The following PLGRKT variants were observed in gnomAD, a reference collection of about 807,000 sequenced individuals.
PLGRKT encodes the protein plasminogen receptor with a C-terminal lysine, also known as plasminogen receptor (KT).
A neutral mutation model predicts 18.5 loss-of-function variants in PLGRKT; 22 were observed. The observed-to-expected ratio is 1.19, with a 90% CI of 0.85 to 1.70. The LOEUF (loss-of-function observed/expected upper bound fraction) is 1.70, where lower values mean the gene tolerates loss of function less well. PLGRKT is among the 40% of genes most tolerant of loss of function. PLGRKT has a pLI of 0.00. For missense variants in PLGRKT, 235 were observed against 174.4 expected, an observed-to-expected ratio of 1.35 and a Z score of -1.96; for synonymous variants, 72 against 52.8, an observed-to-expected ratio of 1.36 and a Z score of -1.58.
chr9:5,405,739 A>G (rs535526176), intron 3 of PLGRKT, among the ~76,000 whole-genome samples: 1 of 152,346 alleles, frequency 6.6e-6, no homozygotes, highest in East Asian at 1.9e-4. Context: ...AACTGCAACA[A>G]AAGCAAAAAT....
At chr9:5,401,615 T>C (rs1231866025) in intron 3 of PLGRKT, among the ~76,000 whole-genome samples, 5 of 151,958 alleles carry the variant, frequency 3.3e-5, no homozygotes, top group East Asian at 1.9e-4. Flanking sequence ...AAAAACAATA[T>C]ATACTACTTA....
intron 3 of PLGRKT, among the ~76,000 whole-genome samples, chr9:5,373,593 A>G (rs544587344): frequency 2.3e-4 from 35 of 152,206 alleles, no homozygotes; most frequent in African/African-American, 8.2e-4. Context: ...TGAGCCCGTA[A>G]GTTCAAGACC....
intron 3 of PLGRKT, among the ~76,000 whole-genome samples, chr9:5,366,375 A>T (rs1391129665): frequency 6.6e-6 from 1 of 152,204 alleles, no homozygotes; most frequent in African/African-American, 2.4e-5. Context: ...ATCGTATTTT[A>T]AAAGAAATGT....
intron 1 of PLGRKT, 73 bp downstream of exon 1, chr9:5,437,716 C>A (rs1342311102): frequency 6.6e-6 from 1 of 152,268 alleles, no homozygotes; most frequent in African/African-American, 2.4e-5. Flanking sequence ...AGCCCGGAGC[C>A]CAGGAGATCG....
intron 3 of PLGRKT, among the ~76,000 whole-genome samples, chr9:5,382,615 G>A (rs1817768632): frequency 6.6e-6 from 1 of 152,190 alleles, no homozygotes; most frequent in South Asian, 2.1e-4. Context: ...GAATTTGCAA[G>A]CCATGCTAAA....
intron 3 of PLGRKT, among the ~76,000 whole-genome samples, chr9:5,400,092 C>A (rs1353130989): frequency 6.6e-6 from 1 of 151,700 alleles, no homozygotes; most frequent in Non-Finnish European, 1.5e-5. Flanking sequence ...AAAAATTCAC[C>A]AAAATTTGTG....
intron 3 of PLGRKT, among the ~76,000 whole-genome samples, chr9:5,390,465 C>T (rs1817928688): frequency 6.6e-6 from 1 of 151,852 alleles, no homozygotes; most frequent in African/African-American, 2.4e-5. Context: ...AGACCCTTCC[C>T]GCCTTGGCTG....
chr9:5,395,525 T>C (rs967814786), intron 3 of PLGRKT, among the ~76,000 whole-genome samples: 2 of 151,886 alleles, frequency 1.3e-5, no homozygotes, highest in African/African-American at 4.9e-5. Context: ...GTAACATTCA[T>C]TATGAAATAA....
intron 4 of PLGRKT, 49 bp downstream of exon 4, chr9:5,361,709 A>G: frequency 6.4e-7 from 1 of 1,558,578 alleles, no homozygotes; most frequent in East Asian, 2.2e-5. Flanking sequence ...GTAATGGAAA[A>G]CACAAAAAGA....
At chr9:5,373,023 G>A (rs555657866) in intron 3 of PLGRKT, among the ~76,000 whole-genome samples, 4 of 152,226 alleles carry the variant, frequency 2.6e-5, no homozygotes, top group South Asian at 2.1e-4. Flanking sequence ...CAATAATCAC[G>A]TTAATATGGA....
At chr9:5,386,112 T>C (rs1817838027) in intron 3 of PLGRKT, among the ~76,000 whole-genome samples, 1 of 151,852 alleles carries the variant, frequency 6.6e-6, no homozygotes, top group Non-Finnish European at 1.5e-5. Context: ...CACTGGATGT[T>C]ACCATTGATG....
intron 3 of PLGRKT, among the ~76,000 whole-genome samples, chr9:5,362,850 G>C (rs138895040): frequency 6.6e-6 from 1 of 152,298 alleles, no homozygotes; most frequent in African/African-American, 2.4e-5. Flanking sequence ...GGAAGCCTCA[G>C]ATGGGTTTGG....
intron 3 of PLGRKT, among the ~76,000 whole-genome samples, chr9:5,426,092 G>A (rs1382389617): frequency 6.6e-6 from 1 of 152,126 alleles, no homozygotes; most frequent in Non-Finnish European, 1.5e-5. Context: ...TAGCCCAGTA[G>A]TCAAGTCCAT....
chr9:5,389,583 G>C (rs2131107367), intron 3 of PLGRKT, among the ~76,000 whole-genome samples: 1 of 151,992 alleles, frequency 6.6e-6, no homozygotes, highest in South Asian at 2.1e-4. Context: ...GGAGAGGTGG[G>C]CAGAGAGGAG....
At chr9:5,390,231 G>A (rs1042648493) in intron 3 of PLGRKT, among the ~76,000 whole-genome samples, 303 of 136,986 alleles carry the variant, frequency 2.2e-3, no homozygotes, top group Non-Finnish European at 5.1e-4. Flanking sequence ...GTGTGTGTGT[G>A]TGTGTATGTG....
At chr9:5,424,181 G>C (rs1331708747) in intron 3 of PLGRKT, among the ~76,000 whole-genome samples, 1 of 136,130 alleles carries the variant, frequency 7.3e-6, no homozygotes, top group Non-Finnish European at 1.5e-5. Flanking sequence ...TATAGTAATA[G>C]ATGTAATATG....
chr9:5,383,132 A>C (rs145049367), intron 3 of PLGRKT, among the ~76,000 whole-genome samples: 1 of 152,332 alleles, frequency 6.6e-6, no homozygotes, highest in East Asian at 1.9e-4. Context: ...AAGGCTGTGT[A>C]AAGATGCAGG....
chr9:5,374,441 C>A (rs888221009), intron 3 of PLGRKT, among the ~76,000 whole-genome samples: 1 of 152,184 alleles, frequency 6.6e-6, no homozygotes, highest in African/African-American at 2.4e-5. Flanking sequence ...TTAAAAATCC[C>A]ATCCCAACTT....
chr9:5,372,423 C>G (rs1159367864), intron 3 of PLGRKT, among the ~76,000 whole-genome samples: 2 of 152,110 alleles, frequency 1.3e-5, no homozygotes, highest in Non-Finnish European at 2.9e-5. Flanking sequence ...CAATGGAATC[C>G]ATCCTAAACA....
Sources: gnomAD v4.1 joint callset for allele counts (sites outside exome capture counted in the v4.1 genomes callset) on GRCh38, gnomAD v4.1.1 for gene constraint, MANE v1.5 for transcripts, NCBI Gene and HGNC (gene_info 2026-07-23, HGNC 2026-07-21) for gene names.